KIAA1217: variants seen among roughly 807,000 people sequenced by gnomAD.
The protein encoded by KIAA1217 is sickle tail protein homolog.
A neutral mutation model predicts 163.9 loss-of-function variants in KIAA1217; 88 were observed. The observed-to-expected ratio is 0.54, with a 90% CI of 0.45 to 0.64. The LOEUF is 0.64. Among genes scored for constraint, KIAA1217 ranks in the 30% least tolerant of loss-of-function variants. The pLI, the probability that KIAA1217 is intolerant of heterozygous loss-of-function variation, is 0.00. For missense variants in KIAA1217, 2,372 were observed against 2,475.0 expected, an observed-to-expected ratio of 0.96 and a Z score of 0.88; for synonymous variants, 903 against 923.1, an observed-to-expected ratio of 0.98 and a Z score of 0.39.
At chr10:24,421,159 C>T (rs2058705806) in intron 3 of KIAA1217, among the ~76,000 whole-genome samples, 1 of 152,140 alleles carries the variant, frequency 6.6e-6, no homozygotes, top group African/African-American at 2.4e-5. Flanking sequence ...GCCTATGCCA[C>T]CACACCCAGC....
intron 2 of KIAA1217, among the ~76,000 whole-genome samples, chr10:24,245,138 C>T (rs909300747): frequency 6.6e-6 from 1 of 152,128 alleles, no homozygotes; most frequent in African/African-American, 2.4e-5. Context: ...GGTCTAACTT[C>T]GCACCCCCTA....
intron 2 of KIAA1217, among the ~76,000 whole-genome samples, chr10:24,301,556 C>T (rs1360464117): frequency 2.0e-5 from 3 of 152,164 alleles, no homozygotes; most frequent in Non-Finnish European, 4.4e-5. Context: ...TCCCTCCTCT[C>T]CATTCCCCAA....
chr10:23,982,048 T>C (rs117665754), intron 1 of KIAA1217, among the ~76,000 whole-genome samples: 1,733 of 151,728 alleles, frequency 0.011, 11 homozygotes, highest in Middle Eastern at 0.027. Context: ...GCTGCTGTAG[T>C]AGTGGTGAGC....
chr10:23,695,667 G>A lies in KIAA1217; in HGVS notation c.-321+433G>A, dbSNP rs1464617636. The stretch of plus-strand genomic sequence containing the variant: ...GAAGAGGGCATTGCTCTTTCTGATG[G>A]CTGGAAGACAGGGGCAAGGAGAGAG... On this transcript the variant is annotated intron_variant, in intron 1 of 18. Coordinates refer to the KIAA1217 transcript ENST00000376462. This position sits in a 1 kb window ranked among gnomAD's most constrained non-coding sequence, Gnocchi z 4.9. Among the ~76,000 whole-genome samples the A allele has an allele frequency of 6.6e-6, 1 of 152,152 alleles. No individual in the cohort carries two copies. Among genetic ancestry groups the A allele is most frequent in the East Asian group, 1.9e-4 (1 of 5,152 alleles).
At chr10:23,826,656 C>G (rs552046555) in intron 1 of KIAA1217, among the ~76,000 whole-genome samples, 2 of 152,130 alleles carry the variant, frequency 1.3e-5, no homozygotes, top group Non-Finnish European at 2.9e-5. Context: ...GCCAGGGTGT[C>G]CCTTCCATGC....
In KIAA1217 at chr10:24,528,110, G is replaced by A. The variant is rs772319971; in HGVS notation, c.3073G>A (p.Glu1025Lys). The A allele has an allele frequency of 1.2e-6, 2 of 1,613,890 alleles. No homozygotes were observed. The highest frequency in any genetic ancestry group is 2.2e-5 in the South Asian group (2 of 91,028). The change falls in exon 14 of 21, where the codon GAA (glutamate) becomes AAA (lysine). Residue 1025 changes from glutamate (E) to lysine (K), a missense_variant. Glu to Lys is a moderately conservative substitution (Grantham distance 56). Coordinates refer to ENST00000376454, the MANE Select transcript of KIAA1217 (RefSeq NM_019590.5). ...PRGDAPVDKV[E>K]LSEDSPNSEQ... ...GGGAGATGCCCCAGTGGACAAGGTG[G>A]AACTTTCAGGTAAGTTCCGGTCCCA...
chr10:23,892,084 AAC>A (rs917454182), intron 1 of KIAA1217, among the ~76,000 whole-genome samples: 10 of 152,110 alleles, frequency 6.6e-5, no homozygotes, highest in East Asian at 3.9e-4. Context: ...AAATAAAAAT[AAC>A]ACACACTATA....
intron 2 of KIAA1217, among the ~76,000 whole-genome samples, chr10:24,092,905 G>C (rs527857828): frequency 2.8e-5 from 3 of 105,448 alleles, no homozygotes; most frequent in African/African-American, 8.7e-5. Flanking sequence ...TGTATGTATA[G>C]TGTGTGTGTG....
intron 1 of KIAA1217, among the ~76,000 whole-genome samples, chr10:23,823,250 T>C (rs898553576): frequency 6.6e-5 from 10 of 152,184 alleles, no homozygotes; most frequent in African/African-American, 2.4e-4. Flanking sequence ...TTCGTTACGG[T>C]TGTAGGACTG....
At chr10:24,173,426 T>C (rs1422086882) in intron 2 of KIAA1217, among the ~76,000 whole-genome samples, 2 of 152,188 alleles carry the variant, frequency 1.3e-5, no homozygotes, top group Admixed American at 1.3e-4. Context: ...AAGTGCATAA[T>C]GCACTTGAAT....
intron 2 of KIAA1217, among the ~76,000 whole-genome samples, chr10:24,277,123 A>T (rs1590495194): frequency 6.6e-6 from 1 of 152,144 alleles, no homozygotes. Context: ...TCATGTCCCT[A>T]GTTTTATAGC....
At chr10:24,376,267 G>GT (rs1177776192) in intron 2 of KIAA1217, among the ~76,000 whole-genome samples, 1 of 152,316 alleles carries the variant, frequency 6.6e-6, no homozygotes, top group Admixed American at 6.5e-5. Flanking sequence ...TCAGTAAACT[G>GT]TTTTTCTGGA....
chr10:23,976,176 A>C (rs1194980835), intron 1 of KIAA1217, among the ~76,000 whole-genome samples: 1 of 152,150 alleles, frequency 6.6e-6, no homozygotes, highest in Non-Finnish European at 1.5e-5. Context: ...TTATCCTCTC[A>C]CTTTTTGATG....
At chr10:24,338,900 A>G (rs1261562956) in intron 2 of KIAA1217, among the ~76,000 whole-genome samples, 1 of 152,206 alleles carries the variant, frequency 6.6e-6, no homozygotes, top group Non-Finnish European at 1.5e-5. Flanking sequence ...AAAAATATAA[A>G]CCAAGATTCA....
chr10:24,353,787 A>G (rs1490640191), intron 2 of KIAA1217, among the ~76,000 whole-genome samples: 1 of 152,206 alleles, frequency 6.6e-6, no homozygotes, highest in African/African-American at 2.4e-5. Context: ...ATTTTAATTC[A>G]TTGTAATTAG....
rs1302431868 is a variant in KIAA1217, at chr10:23,934,577, A to ATG, written c.-320-72647_-320-72646insGT. ...TTAAAGTATATATATATATATATAT[A>ATG]TATATATATATATGTATATATATAT... is the stretch of plus-strand genomic sequence containing the variant. On this transcript the variant is annotated intron_variant, in intron 1 of 18. Coordinates refer to the KIAA1217 transcript ENST00000376462. 3.7e-3 allele frequency among the ~76,000 whole-genome samples: 214 copies of ATG among 57,860 alleles called. 19 individuals carry two copies. The highest frequency in any genetic ancestry group is 0.021 in the African/African-American group (114 of 5,546). 38.0% of individuals were successfully genotyped at this position (57,860 alleles called of 152,430 possible). A position where few individuals can be genotyped will look rare whatever the true frequency, so the allele number is the denominator to read the frequency against.
At chr10:24,102,452 A>T (rs911925359) in intron 2 of KIAA1217, among the ~76,000 whole-genome samples, 2 of 152,228 alleles carry the variant, frequency 1.3e-5, no homozygotes, top group Non-Finnish European at 1.5e-5. Context: ...TATTGTTAAG[A>T]TGTCAGTTCT....
At chr10:24,110,600 TAAAA>T (rs11452842) in intron 2 of KIAA1217, among the ~76,000 whole-genome samples, 3 of 140,354 alleles carry the variant, frequency 2.1e-5, no homozygotes, top group Non-Finnish European at 3.1e-5. Flanking sequence ...CTGTGGGCCT[TAAAA>T]AAAAAAAAAA....
chr10:24,015,290 A>G (rs1366325999), intron 2 of KIAA1217, among the ~76,000 whole-genome samples: 1 of 152,286 alleles, frequency 6.6e-6, no homozygotes, highest in African/African-American at 2.4e-5. Flanking sequence ...TCAAAATATC[A>G]GTAGCTTAAA....
Sources: allele counts gnomAD v4.1 joint callset (sites outside exome capture counted in the v4.1 genomes callset), GRCh38; gene constraint gnomAD v4.1.1; non-coding constraint Gnocchi (gnomAD v3.1); transcripts MANE v1.5; gene names NCBI Gene and HGNC (gene_info 2026-07-23, HGNC 2026-07-21).